Variants in LTBP2 observed in about 807,000 individuals in gnomAD.
The protein encoded by LTBP2 is latent transforming growth factor beta binding protein 2, also known as latent-transforming growth factor beta-binding protein 2.
Under a neutral mutation model 210.6 loss-of-function variants are expected in LTBP2, and 103 were observed. The observed-to-expected ratio is 0.49, with a 90% CI of 0.42 to 0.58. LTBP2 has a LOEUF of 0.58. LTBP2 is among the 20% of genes least tolerant of loss of function. The pLI is 0.00. For missense variants in LTBP2, 2,313 were observed against 2,494.5 expected (o/e 0.93, Z 1.55); for synonymous variants, 1,007 against 1,015.0 (o/e 0.99, Z 0.15).
intron 8 of LTBP2, among the ~76,000 whole-genome samples, chr14:74,541,988 A>AGG (rs1217623281): frequency 6.6e-6 from 1 of 152,140 alleles, no homozygotes; most frequent in Admixed American, 6.5e-5. Context: ...GGGGAGAGAG[A>AGG]GTGGCTAAGC....
intron 16 of LTBP2, 127 bp from the exon 17 acceptor site, chr14:74,522,166 G>A: frequency 3.6e-6 from 4 of 1,124,506 alleles, no homozygotes; most frequent in Non-Finnish European, 3.8e-6. Flanking sequence ...GAAGGGGTGA[G>A]GGAGTGGAGG....
rs1364502054 is a variant in LTBP2 at position 74,525,607 on chromosome 14, T to A, written c.2429-382A>T. On this transcript the variant is annotated intron_variant, in intron 14 of 35. Transcript: ENST00000261978. ...CAGAGCTCTGCCACAAATACCAACA[T>A]CTTATTTGCTTTGAGAGTCTGCAAG... Among the ~76,000 whole-genome samples the A allele has an allele frequency of 2.6e-5, 4 of 152,158 alleles. No homozygotes were observed. In the East Asian group the frequency reaches 5.8e-4, roughly 22 times the overall value.
chr14:74,501,684 CCCTGTGGA>C (rs974986540), intron 34 of LTBP2, 94 bp from the exon 35 acceptor site: 1 of 1,523,816 alleles, frequency 6.6e-7, no homozygotes, highest in African/African-American at 1.4e-5. Context: ...CAAAGGGTGC[CCCTGTGGA>C]ACTGTGGGGG....
At position 74,500,917 on chromosome 14, in the gene LTBP2, C is replaced by T. The variant is rs778473519; in HGVS notation, c.5433G>A (p.Glu1811=). The T allele has an allele frequency of 6.2e-7, 1 of 1,614,202 alleles. No individual in the cohort carries two copies. The highest frequency in any genetic ancestry group is 2.2e-5 in the East Asian group (1 of 44,884). The change falls in exon 36 of 36, where the codon GAG becomes GAA. Residue 1811 remains glutamate (E), a synonymous_variant. Coordinates refer to ENST00000261978, the MANE Select transcript of LTBP2 (RefSeq NM_000428.3). ...RCHCSPGYVA[E]AGPPHCTAKE is the part of the protein sequence containing the mutation. Reference sequence around the variant, plus strand: ...TGGCAGTGCAGTGGGGGGGCCCTGCCTCAGCCACATATCCCGGGGAGCAGT... The same window carrying T: ...TGGCAGTGCAGTGGGGGGGCCCTGCTTCAGCCACATATCCCGGGGAGCAGT...
At chr14:74,603,955 T>C (rs2088485593) in intron 1 of LTBP2, among the ~76,000 whole-genome samples, 1 of 152,134 alleles carries the variant, frequency 6.6e-6, no homozygotes, top group African/African-American at 2.4e-5. Flanking sequence ...TGAGTTGTTA[T>C]GATGGTTAAA....
intron 3 of LTBP2, among the ~76,000 whole-genome samples, chr14:74,563,648 C>A (rs1345909303): frequency 6.6e-6 from 1 of 152,018 alleles, no homozygotes; most frequent in Non-Finnish European, 1.5e-5. Context: ...AAGAATAATA[C>A]CTCAAGACAT....
intron 8 of LTBP2, among the ~76,000 whole-genome samples, chr14:74,541,346 A>G (rs1413719124): frequency 6.6e-6 from 1 of 152,196 alleles, no homozygotes; most frequent in African/African-American, 2.4e-5. Flanking sequence ...ACAAATAAGA[A>G]GACCAAACAC....
At chr14:74,581,470 C>G (rs1274445690) in intron 3 of LTBP2, among the ~76,000 whole-genome samples, 1 of 151,992 alleles carries the variant, frequency 6.6e-6, no homozygotes, top group Non-Finnish European at 1.5e-5. Flanking sequence ...AAGAGGCAGG[C>G]AGAGGGGAGA....
At chr14:74,574,498 G>A (rs995454189) in intron 3 of LTBP2, among the ~76,000 whole-genome samples, 4 of 152,334 alleles carry the variant, frequency 2.6e-5, no homozygotes, top group Admixed American at 2.6e-4. Context: ...TGACTCTAAA[G>A]TGGGGACAGC....
chr14:74,564,794 C>T (rs1455149314), intron 3 of LTBP2, among the ~76,000 whole-genome samples: 2 of 152,142 alleles, frequency 1.3e-5, no homozygotes, highest in Non-Finnish European at 2.9e-5. Flanking sequence ...CTTAGATACT[C>T]ATTATCCCCA....
intron 2 of LTBP2, among the ~76,000 whole-genome samples, chr14:74,599,660 C>A (rs1365666054): frequency 1.3e-5 from 2 of 152,258 alleles, no homozygotes; most frequent in East Asian, 3.8e-4. Context: ...CCAGCTCTAG[C>A]CCCCGCCAAG....
intron 18 of LTBP2, among the ~76,000 whole-genome samples, chr14:74,513,947 C>A (rs551015067): frequency 6.6e-6 from 1 of 152,178 alleles, no homozygotes; most frequent in East Asian, 1.9e-4. Flanking sequence ...GATTATCACA[C>A]GTGAATGGGA....
chr14:74,515,252 ATTTTTTT>A (rs575476350), intron 18 of LTBP2, among the ~76,000 whole-genome samples: 2 of 125,472 alleles, frequency 1.6e-5, no homozygotes, highest in South Asian at 2.6e-4. Context: ...TATAAATCTG[ATTTTTTT>A]TTTTTTTTTT....
At chr14:74,583,759 C>G (rs918904416) in intron 3 of LTBP2, among the ~76,000 whole-genome samples, 4 of 152,248 alleles carry the variant, frequency 2.6e-5, no homozygotes, top group Non-Finnish European at 5.9e-5. Flanking sequence ...CAGAAGTGTG[C>G]CAGGCATGGT....
intron 3 of LTBP2, among the ~76,000 whole-genome samples, chr14:74,572,103 G>A (rs1021071948): frequency 6.4e-4 from 97 of 152,166 alleles, no homozygotes; most frequent in African/African-American, 2.1e-3. Flanking sequence ...CAATCTTCCC[G>A]GTGTCATCTG....
Position 74,508,068 on chromosome 14 carries a change from G to A in LTBP2, c.3680C>T (p.Pro1227Leu), listed in dbSNP as rs773766117. 2.5e-6 allele frequency: 4 copies of A among 1,613,862 alleles called. No individual in the cohort carries two copies. The highest frequency in any genetic ancestry group is 1.7e-4 in the Middle Eastern group (1 of 6,058). Reference protein sequence around the residue: ...QDVDECATTDPCVGGHCVNTE... With the variant: ...QDVDECATTDLCVGGHCVNTE... ...GTTGACACAGTGCCCTCCCACACAC[G>A]GGTCTGTGGTGGCACACTCGTCCAC... The change falls in exon 25 of 36, where the codon CCG becomes CTG. Residue 1227 changes from proline to leucine, a missense_variant. By Grantham distance (98) the Pro-to-Leu change is moderately conservative (BLOSUM62 -3). This residue lies in a region of LTBP2 where 1,867 missense variants were observed against 1,976.9 expected (regional missense o/e 0.94). Coordinates refer to ENST00000261978, the MANE Select transcript of LTBP2 (RefSeq NM_000428.3).
intron 8 of LTBP2, among the ~76,000 whole-genome samples, chr14:74,536,424 G>A (rs1779143697): frequency 6.6e-6 from 1 of 152,224 alleles, no homozygotes; most frequent in Non-Finnish European, 1.5e-5. Flanking sequence ...GTTAATAACA[G>A]TGTCTTGTAT....
intron 2 of LTBP2, among the ~76,000 whole-genome samples, chr14:74,599,193 G>T (rs537049337): frequency 6.6e-6 from 1 of 152,336 alleles, no homozygotes; most frequent in South Asian, 2.1e-4. Context: ...ACAGAGCTGG[G>T]ACTCAAACAC....
chr14:74,501,558 C>T lies in LTBP2; in HGVS notation c.5203G>A (p.Glu1735Lys). The T allele has an allele frequency of 6.2e-7, 1 of 1,614,164 alleles. No individual in the cohort carries two copies. Among genetic ancestry groups the T allele is most frequent in the Non-Finnish European group, 8.5e-7 (1 of 1,180,038 alleles). The change falls in exon 35 of 36, where the codon GAG becomes AAG. Residue 1735 changes from glutamate (E) to lysine (K), a missense_variant. By Grantham distance (56) the Glu-to-Lys change is moderately conservative. Around this residue, in one of 3 missense-constraint regions of LTBP2, gnomAD observed 443 missense variants for 501.4 expected, o/e 0.88. Coordinates refer to ENST00000261978, the MANE Select transcript of LTBP2 (RefSeq NM_000428.3). ...CAGCCGTTCAGGATGCCGCACTCCT[C>T]CGCCTGAAGCCCTTCGAAGCCGGCT... is the stretch of plus-strand genomic sequence containing the variant. The part of the protein sequence containing the change: ...PPAGFEGLQA[E>K]ECGILNGCEN...
Sources: allele counts gnomAD v4.1 joint callset (sites outside exome capture counted in the v4.1 genomes callset), GRCh38; gene constraint gnomAD v4.1.1; regional missense constraint gnomAD v4.1.1; transcripts MANE v1.5; gene names NCBI Gene and HGNC (gene_info 2026-07-23, HGNC 2026-07-21).